Variants in NCAM1 observed in about 807,000 individuals in gnomAD.
NCAM1 encodes the protein antigen recognized by monoclonal antibody 5.1H11.
NCAM1 carries 14 observed loss-of-function variants against 109.8 expected under a neutral mutation model. That is an observed-to-expected ratio of 0.13 (90% CI 0.08 to 0.20). The LOEUF is 0.20. Ranked by LOEUF, NCAM1 falls within the 10% of genes least tolerant of loss-of-function variation. NCAM1 has a pLI of 1.00. For missense variants in NCAM1, 774 were observed against 1,109.9 expected, an observed-to-expected ratio of 0.70 and a Z score of 4.30; for synonymous variants, 418 against 442.9, an observed-to-expected ratio of 0.94 and a Z score of 0.70.
chr11:113,214,557 A>T (rs1345235133), intron 8 of NCAM1, 46 bp downstream of exon 8: 1 of 1,555,536 alleles, frequency 6.4e-7, no homozygotes, highest in African/African-American at 1.4e-5. Flanking sequence ...TGCAGACTCA[A>T]AGCAGATTGA....
In NCAM1 at chr11:112,966,319, C is replaced by T. The variant is rs147732441; in HGVS notation, c.52+4655C>T. Among the ~76,000 whole-genome samples the T allele has an allele frequency of 2.7e-3, 407 of 152,166 alleles. 6 individuals carry two copies. The highest frequency in any genetic ancestry group is 9.4e-3 in the African/African-American group (390 of 41,518). On this transcript the variant is annotated intron_variant, in intron 1 of 19. Transcript: ENST00000316851. The stretch of plus-strand genomic sequence containing the variant: ...AAAAGAAAGAATTCTAAGTAAAATT[C>T]GAAGAAGAAAATTTTTTACTTTTCA...
chr11:113,246,379 CTTTG>C lies in NCAM1; in HGVS notation c.1828+12_1828+15del. 1.3e-6 allele frequency: 1 copy of C among 740,844 alleles called. No homozygotes were observed. Among genetic ancestry groups the C allele is most frequent in the East Asian group, 2.5e-5 (1 of 40,484 alleles). 45.9% of individuals were successfully genotyped at this position (740,844 alleles called of 1,614,324 possible). A position where few individuals can be genotyped will look rare whatever the true frequency, so the allele number is the denominator to read the frequency against. On this transcript the variant is annotated intron_variant, in intron 15 of 19. Coordinates refer to ENST00000316851, the MANE Select transcript of NCAM1 (RefSeq NM_181351.5). ...ACGCTGGTGAACAGAAGGTAAAACTCTTTGTTCTGATTAGTGAAATAAATCTGGG... is the reference window on the plus strand; with the variant it reads ...ACGCTGGTGAACAGAAGGTAAAACTCTTCTGATTAGTGAAATAAATCTGGG...
In NCAM1 at chr11:113,097,658, A is replaced by G. The variant is rs189337321; in HGVS notation, c.53-104721A>G. On this transcript the variant is annotated intron_variant, in intron 1 of 19. Transcript: ENST00000316851. ...TTCTTAAGGTTAGTAGCTGTTTTTTAGAACATACTTTAGATAATTGTTAGT... is the reference window on the plus strand; with the variant it reads ...TTCTTAAGGTTAGTAGCTGTTTTTTGGAACATACTTTAGATAATTGTTAGT... Among the ~76,000 whole-genome samples, 328 of 145,992 alleles carry G rather than the reference A, an allele frequency of 2.2e-3. 2 individuals carry two copies. The highest frequency in any genetic ancestry group is 7.9e-3 in the African/African-American group (314 of 39,564).
intron 1 of NCAM1, among the ~76,000 whole-genome samples, chr11:113,047,779 G>T (rs1215723538): frequency 6.6e-6 from 1 of 152,144 alleles, no homozygotes; most frequent in Non-Finnish European, 1.5e-5. Context: ...AAGGAGAAGT[G>T]CAGGGGAACT....
intron 1 of NCAM1, chr11:113,003,805 T>G (rs1002712644): frequency 6.6e-6 from 1 of 152,248 alleles, no homozygotes. Context: ...TTTGCAATGA[T>G]CGGGGAAGGG....
chr11:112,975,087 G>A (rs571054120), intron 1 of NCAM1, among the ~76,000 whole-genome samples: 46 of 152,102 alleles, frequency 3.0e-4, no homozygotes, highest in African/African-American at 9.4e-4. Context: ...GCAAAAACCC[G>A]AACAGAGGAA....
intron 1 of NCAM1, among the ~76,000 whole-genome samples, chr11:113,181,759 G>T (rs1943341550): frequency 6.6e-6 from 1 of 152,118 alleles, no homozygotes; most frequent in Admixed American, 6.5e-5. Context: ...TCCGAAAGAG[G>T]ACTGGACCTC....
chr11:113,071,945 G>C (rs1555085350), intron 1 of NCAM1, among the ~76,000 whole-genome samples: 1 of 152,090 alleles, frequency 6.6e-6, no homozygotes, highest in Non-Finnish European at 1.5e-5. Context: ...AGGAGTTCGA[G>C]ACCAGTCTGG....
intron 1 of NCAM1, among the ~76,000 whole-genome samples, chr11:112,980,257 G>GTGCA (rs879961064): frequency 3.3e-5 from 5 of 151,824 alleles, no homozygotes; most frequent in Non-Finnish European, 5.9e-5. Context: ...AATGGAAATG[G>GTGCA]TGCAGCCTCT....
Position 112,963,531 on chromosome 11 carries a change from G to T in NCAM1, c.52+1867G>T, listed in dbSNP as rs6589351. On this transcript the variant is annotated intron_variant, in intron 1 of 19. Coordinates refer to ENST00000316851, the MANE Select transcript of NCAM1 (RefSeq NM_181351.5). This position sits in a 1 kb window ranked among gnomAD's most constrained non-coding sequence, Gnocchi z 4.6. ...GCCGTGGCAGGGCCCGGAGAGGAGGGGTGGGGACCAAGCCTAGTCCGCCTG... is the reference window on the plus strand; with the variant it reads ...GCCGTGGCAGGGCCCGGAGAGGAGGTGTGGGGACCAAGCCTAGTCCGCCTG... 0.088 allele frequency: 13,364 copies of T among 152,260 alleles called. 1,195 individuals are homozygous for T. The highest frequency in any genetic ancestry group is 0.19 in the African/African-American group (7,780 of 41,494). The allele number at this position is 152,260 out of a possible 1,614,324, so 9.4% of individuals were successfully genotyped here.
intron 1 of NCAM1, among the ~76,000 whole-genome samples, chr11:113,189,209 T>C (rs977485196): frequency 1.2e-4 from 19 of 152,034 alleles, no homozygotes; most frequent in Non-Finnish European, 1.3e-4. Context: ...CCCAGCACTT[T>C]GGGAGACTGA....
At chr11:113,202,682 T>C (rs1555112114) in intron 2 of NCAM1, among the ~76,000 whole-genome samples, 1 of 152,242 alleles carries the variant, frequency 6.6e-6, no homozygotes, top group African/African-American at 2.4e-5. Context: ...TCACCTTGAC[T>C]ACAGAGGAAG....
Position 112,975,218 on chromosome 11 carries a change from G to A in NCAM1, c.52+13554G>A, listed in dbSNP as rs369637329. Reference sequence around the variant, plus strand: ...TTCCACATTTCTTTGATAGAAAGACGTGGACTTGGCAGTGATTTTGCAAAT... The same window carrying A: ...TTCCACATTTCTTTGATAGAAAGACATGGACTTGGCAGTGATTTTGCAAAT... On this transcript the variant is annotated intron_variant, in intron 1 of 19. Coordinates refer to ENST00000316851, the MANE Select transcript of NCAM1 (RefSeq NM_181351.5). Among the ~76,000 whole-genome samples the A allele has an allele frequency of 3.4e-4, 51 of 152,172 alleles. 1 individual carries two copies. The South Asian group carries it at 0.01, about 30-fold the overall frequency.
chr11:113,225,736 G>A (rs569703273), intron 9 of NCAM1, among the ~76,000 whole-genome samples: 6 of 152,318 alleles, frequency 3.9e-5, no homozygotes, highest in Admixed American at 1.3e-4. Flanking sequence ...CTGATCGCTC[G>A]GCAGAAATTC....
chr11:112,965,651 A>G (rs1198793375), intron 1 of NCAM1, among the ~76,000 whole-genome samples: 1 of 152,202 alleles, frequency 6.6e-6, no homozygotes, highest in Non-Finnish European at 1.5e-5. Context: ...TGATGCAACC[A>G]CTTAATTTTT....
At chr11:113,072,733 C>CT (rs11373449) in intron 1 of NCAM1, among the ~76,000 whole-genome samples, 108,784 of 145,452 alleles carry the variant, frequency 0.75, 40,748 homozygotes, top group Middle Eastern at 0.89. Context: ...CTAGAGTCAT[C>CT]TTTTTTTTTT....
intron 1 of NCAM1, among the ~76,000 whole-genome samples, chr11:112,977,654 A>G (rs1555067915): frequency 6.6e-6 from 1 of 151,886 alleles, no homozygotes; most frequent in South Asian, 2.1e-4. Flanking sequence ...AAAAATCTAA[A>G]TTGTCATTGT....
chr11:113,146,404 A>G (rs531881490), intron 1 of NCAM1, among the ~76,000 whole-genome samples: 11 of 152,346 alleles, frequency 7.2e-5, no homozygotes, highest in Middle Eastern at 3.4e-3. Context: ...CTGTTTGATT[A>G]TATTCCTCAT....
intron 1 of NCAM1, among the ~76,000 whole-genome samples, chr11:113,121,364 G>A (rs997292630): frequency 1.1e-4 from 16 of 151,184 alleles, no homozygotes; most frequent in African/African-American, 3.9e-4. Flanking sequence ...GGGACTGCAG[G>A]TGCATGCCAC....
Sources: gnomAD v4.1 joint callset for allele counts (sites outside exome capture counted in the v4.1 genomes callset) on GRCh38, gnomAD v4.1.1 for gene constraint, Gnocchi (gnomAD v3.1) non-coding constraint, MANE v1.5 for transcripts, NCBI Gene and HGNC (gene_info 2026-07-23, HGNC 2026-07-21) for gene names.